The following CNTN6 variants were observed in gnomAD, a reference collection of about 807,000 sequenced individuals.
CNTN6 encodes the protein contactin-6.
A neutral mutation model predicts 122.8 loss-of-function variants in CNTN6; 137 were observed. That is an observed-to-expected ratio of 1.12 (90% confidence interval 0.97 to 1.29). The LOEUF (loss-of-function observed/expected upper bound fraction) is 1.29, where lower values mean the gene tolerates loss of function less well. Among genes scored for constraint, CNTN6 ranks in the 50% most tolerant of loss-of-function variants. The pLI is 0.00. For synonymous variants in CNTN6, 570 were observed against 426.0 expected, an observed-to-expected ratio of 1.34 and a Z score of -4.16; for missense variants, 1,634 against 1,223.4, an observed-to-expected ratio of 1.34 and a Z score of -5.01.
At chr3:1,349,811 AT>A (rs977750781) in intron 11 of CNTN6, among the ~76,000 whole-genome samples, 14 of 151,810 alleles carry the variant, frequency 9.2e-5, no homozygotes, top group Non-Finnish European at 1.5e-4. Context: ...CATGAGATTA[AT>A]TTTTTTACCA....
At chr3:1,376,406 C>A (rs1363410935) in intron 16 of CNTN6, among the ~76,000 whole-genome samples, 2 of 152,028 alleles carry the variant, frequency 1.3e-5, no homozygotes, top group Non-Finnish European at 2.9e-5. Flanking sequence ...ATAGAAAGAA[C>A]CTCTCCCAGT....
intron 21 of CNTN6, among the ~76,000 whole-genome samples, chr3:1,402,039 G>C (rs77217910): frequency 0.036 from 5,430 of 151,886 alleles, 138 homozygotes; most frequent in Middle Eastern, 0.058. Flanking sequence ...AAACTCAACA[G>C]TGACTTTCCA....
At chr3:1,128,770 A>G (rs1224013334) in intron 1 of CNTN6, among the ~76,000 whole-genome samples, 1 of 124,380 alleles carries the variant, frequency 8.0e-6, no homozygotes, top group African/African-American at 2.9e-5. Context: ...TTTGTTTCTA[A>G]AGTTTTTAAA....
intron 1 of CNTN6, among the ~76,000 whole-genome samples, chr3:1,138,505 C>T (rs970837980): frequency 2.6e-5 from 4 of 151,714 alleles, no homozygotes; most frequent in East Asian, 3.9e-4. Context: ...CTGTTTTGGC[C>T]GATACTGATC....
At chr3:1,142,968 G>GTGTGTATATATATA (rs1217250181) in intron 1 of CNTN6, among the ~76,000 whole-genome samples, 1 of 128,652 alleles carries the variant, frequency 7.8e-6, no homozygotes, top group African/African-American at 3.1e-5. Flanking sequence ...GTGTGTGTGT[G>GTGTGTATATATATA]TATATATATA....
chr3:1,264,765 A>G (rs2094900725), intron 4 of CNTN6, among the ~76,000 whole-genome samples: 1 of 152,044 alleles, frequency 6.6e-6, no homozygotes, highest in South Asian at 2.1e-4. Flanking sequence ...ATACATTATT[A>G]TTTATTATTT....
intron 2 of CNTN6, among the ~76,000 whole-genome samples, chr3:1,157,122 A>C (rs899908991): frequency 2.0e-5 from 3 of 151,854 alleles, no homozygotes; most frequent in Middle Eastern, 3.2e-3. Flanking sequence ...GCATAATCGC[A>C]ATAGGGAAAC....
chr3:1,190,165 G>T (rs1256011612), intron 2 of CNTN6, among the ~76,000 whole-genome samples: 1 of 152,146 alleles, frequency 6.6e-6, no homozygotes, highest in African/African-American at 2.4e-5. Flanking sequence ...ACAGGAGAAA[G>T]GGAGAGAGAA....
At chr3:1,125,527 GAGTATTATGC>G (rs1243370597) in intron 1 of CNTN6, among the ~76,000 whole-genome samples, 1 of 151,840 alleles carries the variant, frequency 6.6e-6, no homozygotes, top group African/African-American at 2.4e-5. Context: ...GAGGCAATGT[GAGTATTATGC>G]AGGTTCAAAC....
At chr3:1,229,908 T>C (rs1030329239) in intron 4 of CNTN6, among the ~76,000 whole-genome samples, 1 of 152,186 alleles carries the variant, frequency 6.6e-6, no homozygotes, top group African/African-American at 2.4e-5. Flanking sequence ...ATCTTTCTTC[T>C]GCAAAGTTAA....
intron 1 of CNTN6, among the ~76,000 whole-genome samples, chr3:1,145,870 T>C (rs1285682994): frequency 1.3e-5 from 2 of 152,158 alleles, no homozygotes; most frequent in East Asian, 1.9e-4. Flanking sequence ...GTTTGTGAAA[T>C]TGAAAGTGAT....
chr3:1,345,308 G>T (rs1382022670), intron 11 of CNTN6, among the ~76,000 whole-genome samples: 2 of 151,898 alleles, frequency 1.3e-5, no homozygotes, highest in African/African-American at 2.4e-5. Flanking sequence ...TACAGACGGG[G>T]TTTCACCATA....
chr3:1,402,908 G>A (rs1243258738), intron 22 of CNTN6: 2 of 193,470 alleles, frequency 1.0e-5, no homozygotes, highest in Non-Finnish European at 2.1e-5. Flanking sequence ...AAGGAGCTGA[G>A]TCACAACTTT....
intron 5 of CNTN6, among the ~76,000 whole-genome samples, chr3:1,288,006 G>A (rs951884702): frequency 1.3e-5 from 2 of 151,886 alleles, no homozygotes; most frequent in African/African-American, 2.4e-5. Flanking sequence ...GTGTTGGCTC[G>A]GTCTTGAATC....
At chr3:1,173,345 A>G (rs1371365535) in intron 2 of CNTN6, 2 of 455,940 alleles carry the variant, frequency 4.4e-6, no homozygotes, top group Non-Finnish European at 8.8e-6. Context: ...CAGTAAAAAC[A>G]GCTGCCTTTA....
intron 4 of CNTN6, among the ~76,000 whole-genome samples, chr3:1,260,615 A>G (rs1439494292): frequency 1.3e-5 from 2 of 152,036 alleles, no homozygotes; most frequent in Non-Finnish European, 2.9e-5. Flanking sequence ...TCCCTGCCCA[A>G]ATCTCATCTT....
intron 4 of CNTN6, among the ~76,000 whole-genome samples, chr3:1,249,458 A>C (rs17036379): frequency 0.059 from 8,954 of 152,308 alleles, 351 homozygotes; most frequent in East Asian, 0.14. Flanking sequence ...CACCAGGAAA[A>C]AAATGTGCTT....
intron 14 of CNTN6, among the ~76,000 whole-genome samples, chr3:1,373,175 T>C (rs537937684): frequency 6.6e-6 from 1 of 152,132 alleles, no homozygotes; most frequent in Non-Finnish European, 1.5e-5. Context: ...GATTTGACTA[T>C]CATGAACGGT....
chr3:1,382,920 G>A (rs1559980615), intron 17 of CNTN6, 22 bp from the exon 18 acceptor site: 1 of 1,541,968 alleles, frequency 6.5e-7, no homozygotes, highest in Admixed American at 1.7e-5. Flanking sequence ...AATACTCAGT[G>A]ATTGATCACA....
Sources: gnomAD v4.1 joint callset for allele counts (sites outside exome capture counted in the v4.1 genomes callset) on GRCh38, gnomAD v4.1.1 for gene constraint, MANE v1.5 for transcripts, NCBI Gene and HGNC (gene_info 2026-07-23, HGNC 2026-07-21) for gene names.